Variants in TUSC3 observed in about 807,000 individuals in gnomAD.
The protein encoded by TUSC3 is tumor suppressor candidate 3.
A neutral mutation model predicts 44.8 loss-of-function variants in TUSC3; 45 were observed. The ratio of observed to expected loss-of-function variants is 1.00; its 90% CI spans 0.79 to 1.29. TUSC3 has a LOEUF of 1.29. TUSC3 is among the 50% of genes most tolerant of loss of function. The pLI, the probability that TUSC3 is intolerant of heterozygous loss-of-function variation, is 0.00. For synonymous variants in TUSC3, 212 were observed against 152.9 expected (o/e 1.39, Z -2.85); for missense variants, 519 against 437.9 (o/e 1.19, Z -1.65).
At chr8:15,762,574 G>C (rs1227872853) in intron 10 of TUSC3, among the ~76,000 whole-genome samples, 1 of 152,042 alleles carries the variant, frequency 6.6e-6, no homozygotes, top group Non-Finnish European at 1.5e-5. Flanking sequence ...CAGCAATAAA[G>C]ATTACCTTTA....
intron 1 of TUSC3, among the ~76,000 whole-genome samples, chr8:15,594,310 A>G (rs1483246419): frequency 6.6e-6 from 1 of 152,134 alleles, no homozygotes; most frequent in East Asian, 1.9e-4. Flanking sequence ...TGTCTTGAGC[A>G]TGTAGATTAC....
intron 6 of TUSC3, among the ~76,000 whole-genome samples, chr8:15,708,453 T>C (rs1352969366): frequency 6.6e-6 from 1 of 151,938 alleles, no homozygotes; most frequent in East Asian, 1.9e-4. Context: ...AAAAGACTAG[T>C]CTGAAGACAG....
At chr8:15,625,826 A>G (rs1185641715) in intron 2 of TUSC3, among the ~76,000 whole-genome samples, 1 of 152,256 alleles carries the variant, frequency 6.6e-6, no homozygotes, top group African/African-American at 2.4e-5. Context: ...AAAAGTGAGT[A>G]GAGAACATGG....
upstream of TUSC3, among the ~76,000 whole-genome samples, chr8:15,538,141 C>A (rs902015488): frequency 6.6e-6 from 1 of 152,302 alleles, no homozygotes; most frequent in East Asian, 1.9e-4. Context: ...TCCCATCAGA[C>A]CACAGCCATA....
the TUSC3 span, among the ~76,000 whole-genome samples, chr8:15,776,124 G>C: frequency 1.3e-5 from 2 of 152,004 alleles, no homozygotes; most frequent in Admixed American, 6.6e-5. Context: ...TAGTAGCCTT[G>C]AATGATGTTT....
chr8:15,830,516 T>C, the TUSC3 span, among the ~76,000 whole-genome samples: 2 of 152,190 alleles, frequency 1.3e-5, no homozygotes, highest in South Asian at 4.1e-4. Flanking sequence ...ATCTAGGTGT[T>C]TATCGATGGA....
intron 1 of TUSC3, among the ~76,000 whole-genome samples, chr8:15,482,352 G>C (rs1236051295): frequency 6.6e-6 from 1 of 152,154 alleles, no homozygotes; most frequent in African/African-American, 2.4e-5. Context: ...GAATCACAAA[G>C]TTCTCGTGGC....
At chr8:15,743,236 TGTG>T (rs899891729) in intron 7 of TUSC3, among the ~76,000 whole-genome samples, 37 of 152,366 alleles carry the variant, frequency 2.4e-4, no homozygotes, top group African/African-American at 8.4e-4. Flanking sequence ...TAATGTGAAA[TGTG>T]GTAACTGGTT....
intron 2 of TUSC3, among the ~76,000 whole-genome samples, chr8:15,631,041 T>G (rs1376886503): frequency 6.6e-6 from 1 of 152,220 alleles, no homozygotes; most frequent in Non-Finnish European, 1.5e-5. Flanking sequence ...GCCCTTAATT[T>G]TTAAGTTTCC....
the TUSC3 span, among the ~76,000 whole-genome samples, chr8:15,814,979 G>C: frequency 6.6e-6 from 1 of 151,894 alleles, no homozygotes. Context: ...TTAGTTGATA[G>C]GAAAATACAA....
At chr8:15,740,034 CAAT>C (rs1377882561) in intron 7 of TUSC3, among the ~76,000 whole-genome samples, 8 of 151,892 alleles carry the variant, frequency 5.3e-5, no homozygotes, top group Non-Finnish European at 1.0e-4. Context: ...GGAACAAAGA[CAAT>C]AAGTACATTG....
chr8:15,488,162 C>A (rs548848086), intron 2 of TUSC3, among the ~76,000 whole-genome samples: 53 of 152,040 alleles, frequency 3.5e-4, no homozygotes, highest in African/African-American at 1.2e-3. Flanking sequence ...TCCTGAGTAA[C>A]CTAAAATTCT....
intron 2 of TUSC3, among the ~76,000 whole-genome samples, chr8:15,491,949 G>C (rs1227554107): frequency 6.6e-6 from 1 of 152,036 alleles, no homozygotes; most frequent in Admixed American, 6.5e-5. Flanking sequence ...CTTTACCGTG[G>C]CTACTTCCAT....
At chr8:15,800,549 G>C in the TUSC3 span, among the ~76,000 whole-genome samples, 7 of 151,474 alleles carry the variant, frequency 4.6e-5, no homozygotes, top group Admixed American at 1.3e-4. Context: ...CTCCAGCCTG[G>C]ATTTTGGGAG....
At chr8:15,728,331 C>A (rs926766913) in intron 6 of TUSC3, among the ~76,000 whole-genome samples, 4 of 151,904 alleles carry the variant, frequency 2.6e-5, no homozygotes, top group Non-Finnish European at 5.9e-5. Flanking sequence ...TCAGACAAAT[C>A]TTTGGGCCTT....
At position 15,728,986 on chromosome 8, in the gene TUSC3, A is replaced by G. The variant is rs113999666; in HGVS notation, c.799-1680A>G. On this transcript the variant is annotated intron_variant, in intron 6 of 10. Transcript: ENST00000503731. ...GCCAGGAACATTGAGATATGACCAT[A>G]GGATTTGGTAATGGGGGAGTCCATT... is the stretch of plus-strand genomic sequence containing the variant. Among the ~76,000 whole-genome samples, 711 of 152,168 alleles carry G rather than the reference A, an allele frequency of 4.7e-3. 5 individuals are homozygous for G. Among genetic ancestry groups the G allele is most frequent in the African/African-American group, 0.016 (683 of 41,474 alleles).
upstream of TUSC3, among the ~76,000 whole-genome samples, chr8:15,536,834 T>C (rs1801530795): frequency 1.3e-5 from 2 of 151,534 alleles, no homozygotes; most frequent in Non-Finnish European, 2.9e-5. Context: ...AAATTCCTTC[T>C]AAGGTGTCTG....
At chr8:15,533,439 G>T (rs1801477743) in intron 2 of TUSC3, among the ~76,000 whole-genome samples, 1 of 152,134 alleles carries the variant, frequency 6.6e-6, no homozygotes, top group Admixed American at 6.5e-5. Context: ...TCTGTCCTTT[G>T]TCTAATACCT....
At chr8:15,543,809 C>T (rs1302590480) in intron 1 of TUSC3, among the ~76,000 whole-genome samples, 3 of 148,960 alleles carry the variant, frequency 2.0e-5, no homozygotes, top group Non-Finnish European at 3.0e-5. Flanking sequence ...TAGTCTATTG[C>T]TTATCATGAA....
Sources: gnomAD v4.1 joint callset for allele counts (sites outside exome capture counted in the v4.1 genomes callset) on GRCh38, gnomAD v4.1.1 for gene constraint, MANE v1.5 for transcripts, NCBI Gene and HGNC (gene_info 2026-07-23, HGNC 2026-07-21) for gene names.